Variants in PNLIPRP3 observed in about 807,000 individuals in gnomAD.
PNLIPRP3 encodes pancreatic lipase-related protein 3.
A neutral mutation model predicts 52.8 loss-of-function variants in PNLIPRP3; 58 were observed. That is an observed-to-expected ratio of 1.10 (90% CI 0.89 to 1.37). PNLIPRP3 has a LOEUF of 1.37. Among genes scored for constraint, PNLIPRP3 ranks in the 40% most tolerant of loss-of-function variants. The pLI is 0.00. For missense variants in PNLIPRP3, 593 were observed against 561.6 expected (o/e 1.06, Z -0.57); for synonymous variants, 192 against 185.0 (o/e 1.04, Z -0.31).
intron 4 of PNLIPRP3, among the ~76,000 whole-genome samples, chr10:116,446,535 T>C (rs1020999703): frequency 7.2e-5 from 11 of 152,136 alleles, no homozygotes; most frequent in African/African-American, 2.7e-4. Context: ...GAAAAATGTA[T>C]GCAAGTATAA....
At chr10:116,455,916 C>A (rs1846106309) in intron 5 of PNLIPRP3, 86 bp downstream of exon 5, 4 of 936,114 alleles carry the variant, frequency 4.3e-6, no homozygotes, top group South Asian at 1.5e-5. Flanking sequence ...AGTAATACTG[C>A]AGAAGAAAAT....
intron 3 of PNLIPRP3, among the ~76,000 whole-genome samples, chr10:116,443,759 G>A (rs973750264): frequency 6.6e-5 from 6 of 91,512 alleles, no homozygotes; most frequent in East Asian, 2.9e-4. Flanking sequence ...GTGTGTGTGT[G>A]TGTGTATGTG....
intron 7 of PNLIPRP3, among the ~76,000 whole-genome samples, chr10:116,463,325 G>C (rs1197431398): frequency 6.6e-6 from 1 of 152,170 alleles, no homozygotes; most frequent in Non-Finnish European, 1.5e-5. Flanking sequence ...ATCCAGTTGG[G>C]GGCTGAGCTG....
rs1564708224 is a variant in PNLIPRP3 at position 116,477,899 on chromosome 10, AT to A, written c.*749del. The A allele has an allele frequency of 6.6e-6, 1 of 152,192 alleles. No individual in the cohort carries two copies. Among genetic ancestry groups the A allele is most frequent in the African/African-American group, 2.4e-5 (1 of 41,446 alleles). The allele number at this position is 152,192 out of a possible 1,614,324, so 9.4% of individuals were successfully genotyped here. ...GTATTTAGCCTCAAGGCAGCATTTCATTTGTAAAGCACTTGGGTAACCCTTT... is the reference window on the plus strand; with the variant it reads ...GTATTTAGCCTCAAGGCAGCATTTCATTGTAAAGCACTTGGGTAACCCTTT... On this transcript the variant is annotated 3_prime_UTR_variant, in exon 12 of 12. Transcript: ENST00000369230.
intron 1 of PNLIPRP3, among the ~76,000 whole-genome samples, chr10:116,434,705 G>C (rs1320289777): frequency 6.6e-6 from 1 of 152,072 alleles, no homozygotes; most frequent in Non-Finnish European, 1.5e-5. Flanking sequence ...TGAGGACCTG[G>C]AGAAAAAAGC....
chr10:116,469,120 G>A, intron 8 of PNLIPRP3, 65 bp from the exon 9 acceptor site: 2 of 1,420,336 alleles, frequency 1.4e-6, no homozygotes, highest in Non-Finnish European at 1.9e-6. Context: ...ATAATATATA[G>A]CGAGTTTATT....
Position 116,455,845 on chromosome 10 carries a change from C to T in PNLIPRP3, c.565+15C>T, listed in dbSNP as rs779824822. On this transcript the variant is annotated intron_variant, in intron 5 of 11. Coordinates refer to ENST00000369230, the MANE Select transcript of PNLIPRP3 (RefSeq NM_001011709.3). ...AAGAATAACTGGTAAGCATGCCCTG[C>T]AGTTGGGCCTTGAGTGTGTTTAAAT... 1.1e-5 allele frequency: 18 copies of T among 1,582,614 alleles called. No individual in the cohort carries two copies. The highest frequency in any genetic ancestry group is 2.2e-5 in the South Asian group (2 of 90,146).
chr10:116,462,427 T>C (rs964585145), intron 7 of PNLIPRP3, among the ~76,000 whole-genome samples: 3 of 151,912 alleles, frequency 2.0e-5, no homozygotes, highest in African/African-American at 7.2e-5. Flanking sequence ...AATTACTTGC[T>C]CTTTCATTTG....
At chr10:116,443,276 T>G in intron 3 of PNLIPRP3, 102 bp downstream of exon 3, 2 of 1,239,998 alleles carry the variant, frequency 1.6e-6, no homozygotes, top group Non-Finnish European at 2.2e-6. Flanking sequence ...AAATCTTCCA[T>G]TCAGTTATCC....
chr10:116,460,968 T>C lies in PNLIPRP3; in HGVS notation c.568T>C (p.Leu190=). 3 of 1,611,804 alleles carry C rather than the reference T, an allele frequency of 1.9e-6. No homozygotes were observed. The highest frequency in any genetic ancestry group is 1.1e-5 in the South Asian group (1 of 90,962). Residue 190 remains leucine (L), a splice_region_variant and synonymous_variant, in exon 6 of 12, where the codon TTG becomes CTG. Coordinates refer to ENST00000369230, the MANE Select transcript of PNLIPRP3 (RefSeq NM_001011709.3). Reference sequence around the variant, plus strand: ...TGTCTTGGTTGTGCTTTCTCTAGGGTTGGACCCAGCTGGGCCATTTTTCCA... The same window carrying C: ...TGTCTTGGTTGTGCTTTCTCTAGGGCTGGACCCAGCTGGGCCATTTTTCCA... ...RIPGLGRITG[L]DPAGPFFHNT...
rs1665909543 is a variant in PNLIPRP3 at position 116,427,941 on chromosome 10, T to A, written c.-72T>A. 1 of 1,188,856 alleles carries A rather than the reference T, an allele frequency of 8.4e-7. No individual in the cohort carries two copies. Among genetic ancestry groups the A allele is most frequent in the African/African-American group, 1.5e-5 (1 of 66,108 alleles). The allele number at this position is 1,188,856 out of a possible 1,614,324, so 73.6% of individuals were successfully genotyped here. A position where few individuals can be genotyped will look rare whatever the true frequency, so the allele number is the denominator to read the frequency against. ...TCATTGTGAGGAAAACCACTTAGTA[T>A]TTTATAGTGAGGTGACTTTACAAGT... On this transcript the variant is annotated 5_prime_UTR_variant, in exon 1 of 12. Coordinates refer to ENST00000369230, the MANE Select transcript of PNLIPRP3 (RefSeq NM_001011709.3).
intron 1 of PNLIPRP3, among the ~76,000 whole-genome samples, chr10:116,431,923 C>G (rs941604427): frequency 1.3e-5 from 2 of 152,088 alleles, no homozygotes; most frequent in Non-Finnish European, 2.9e-5. Flanking sequence ...CTCTCCCCCC[C>G]AGGTCTTGAT....
At chr10:116,430,062 C>T (rs1049381695) in intron 1 of PNLIPRP3, among the ~76,000 whole-genome samples, 1 of 152,142 alleles carries the variant, frequency 6.6e-6, no homozygotes, top group East Asian at 1.9e-4. Context: ...AATGTTGTGC[C>T]TTACCCCTCA....
At chr10:116,462,767 TA>T (rs1325646931) in intron 7 of PNLIPRP3, among the ~76,000 whole-genome samples, 6 of 152,188 alleles carry the variant, frequency 3.9e-5, no homozygotes, top group Admixed American at 3.3e-4. Context: ...AAGACTTCAT[TA>T]CATAATTAAT....
chr10:116,443,817 A>G (rs1242275636), intron 3 of PNLIPRP3, among the ~76,000 whole-genome samples: 7 of 16,496 alleles, frequency 4.2e-4, no homozygotes, highest in Non-Finnish European at 2.3e-3. Context: ...ATATATATAT[A>G]TATATATATA....
At chr10:116,452,959 C>T (rs1846060272) in intron 4 of PNLIPRP3, among the ~76,000 whole-genome samples, 1 of 152,224 alleles carries the variant, frequency 6.6e-6, no homozygotes, top group African/African-American at 2.4e-5. Flanking sequence ...TGGGAAGGGG[C>T]TCCTGCCCTC....
At chr10:116,447,766 T>C (rs1349558184) in intron 4 of PNLIPRP3, among the ~76,000 whole-genome samples, 5 of 151,982 alleles carry the variant, frequency 3.3e-5, no homozygotes, top group African/African-American at 1.2e-4. Context: ...TGAAACCCCA[T>C]CTCTACTAAA....
chr10:116,476,662 G>T lies in PNLIPRP3; in HGVS notation c.1183G>T (p.Glu395Ter). ...GEFAIVSGKL[E>*]PGMTYTKLID... is the part of the protein sequence containing the mutation. ...TATTTTTGTTTACAGTGGAAAACTTGAGCCAGGCATGACTTACACAAAATT... is the reference window on the plus strand; with the variant it reads ...TATTTTTGTTTACAGTGGAAAACTTTAGCCAGGCATGACTTACACAAAATT... The change falls in exon 11 of 12, where the codon GAG (glutamate) becomes TAG (stop). Residue 395 changes from glutamate to a stop codon, truncating the protein, a stop_gained. Coordinates refer to ENST00000369230, the MANE Select transcript of PNLIPRP3 (RefSeq NM_001011709.3). LOFTEE classifies it high-confidence loss of function. The T allele has an allele frequency of 6.4e-7, 1 of 1,569,330 alleles. No homozygotes were observed. The highest frequency in any genetic ancestry group is 1.2e-5 in the South Asian group (1 of 83,108).
At chr10:116,476,128 G>T (rs867762430) in intron 10 of PNLIPRP3, among the ~76,000 whole-genome samples, 1 of 152,046 alleles carries the variant, frequency 6.6e-6, no homozygotes, top group Non-Finnish European at 1.5e-5. Flanking sequence ...CTGCTCTATT[G>T]CCGTGATCAA....
Sources: gnomAD v4.1 joint callset for allele counts (sites outside exome capture counted in the v4.1 genomes callset) on GRCh38, gnomAD v4.1.1 for gene constraint, MANE v1.5 for transcripts, NCBI Gene and HGNC (gene_info 2026-07-23, HGNC 2026-07-21) for gene names.